DMD: variants seen among roughly 807,000 people sequenced by gnomAD.
The protein encoded by DMD is dystrophin.
Under a neutral mutation model 330.1 loss-of-function variants are expected in DMD, and 63 were observed. The ratio of observed to expected loss-of-function variants is 0.19; its 90% CI spans 0.16 to 0.24. The LOEUF (loss-of-function observed/expected upper bound fraction) is 0.24. Among genes scored for constraint, DMD ranks in the 10% least tolerant of loss-of-function variants. The probability of loss-of-function intolerance (pLI) is 1.00; values close to 1 mark genes in which losing one functional copy is unlikely to be tolerated. For missense variants in DMD, 3,344 were observed against 2,684.1 expected (o/e 1.25, Z -5.43); for synonymous variants, 1,223 against 959.8 (o/e 1.27, Z -5.07).
intron 1 of DMD, among the ~76,000 whole-genome samples, chrX:33,273,479 G>C (rs2148915481): frequency 8.9e-6 from 1 of 111,956 alleles, no homozygotes; most frequent in East Asian, 2.8e-4. Flanking sequence ...TTATGTAAAG[G>C]TCATACAGAC....
chrX:32,335,823 T>A (rs902532254), intron 41 of DMD, among the ~76,000 whole-genome samples: 1 of 105,557 alleles, frequency 9.5e-6, no homozygotes, highest in Non-Finnish European at 1.9e-5. Context: ...ATGTATAACA[T>A]GTTATATATA....
chrX:32,944,294 A>T (rs945275670), intron 2 of DMD, among the ~76,000 whole-genome samples: 16 of 112,129 alleles, frequency 1.4e-4, no homozygotes, highest in African/African-American at 5.2e-4. Flanking sequence ...TTTCCATTTT[A>T]AATTTTGGGT....
At chrX:31,654,101 T>C (rs1044983253) in intron 54 of DMD, among the ~76,000 whole-genome samples, 2 of 112,361 alleles carry the variant, frequency 1.8e-5, no homozygotes, top group East Asian at 5.6e-4. Context: ...ATATAAACAT[T>C]AGTTTACTTT....
chrX:32,653,596 C>A lies in DMD; in HGVS notation c.961-8444G>T, dbSNP rs145033964. ...TAGTTTAAAATCAGGTAGTGTGATA[C>A]CTCCAGCTTTGTTCTTTTGGCTTAG... is the stretch of plus-strand genomic sequence containing the variant. On this transcript the variant is annotated intron_variant, in intron 9 of 78. Transcript: ENST00000357033. 6.8e-3 allele frequency among the ~76,000 whole-genome samples: 757 copies of A among 111,867 alleles called. 6 individuals are homozygous for A. Among genetic ancestry groups the A allele is most frequent in the African/African-American group, 0.024 (727 of 30,755 alleles).
rs746676110 is a variant in DMD, at chrX:32,876,175, AC to A, written c.94-26356del. ...TCTATTTCTAACCATATCCAATGAT[AC>A]CACCATCCTCTCAATTTTTCAGCCC... On this transcript the variant is annotated intron_variant, in intron 2 of 78. Transcript: ENST00000357033. Among the ~76,000 whole-genome samples the A allele has an allele frequency of 8.0e-5, 9 of 111,834 alleles. No individual in the cohort carries two copies. The East Asian group carries it at 1.1e-3, about 14-fold the overall frequency.
chrX:31,849,222 T>A (rs779225165), intron 48 of DMD, among the ~76,000 whole-genome samples: 2 of 110,214 alleles, frequency 1.8e-5, no homozygotes, highest in Admixed American at 9.8e-5. Context: ...AAACATTTAT[T>A]TATTTATTTA....
chrX:31,144,867 C>T (rs1225541296), intron 76 of DMD, among the ~76,000 whole-genome samples: 1 of 111,523 alleles, frequency 9.0e-6, no homozygotes, highest in East Asian at 2.8e-4. Context: ...CCAGACACAG[C>T]AGGAAAAACC....
chrX:31,237,882 G>C (rs949476963), intron 63 of DMD, among the ~76,000 whole-genome samples: 1 of 110,467 alleles, frequency 9.1e-6, no homozygotes, highest in Non-Finnish European at 1.9e-5. Flanking sequence ...ACCACGCCCA[G>C]CTAATTTTCA....
intron 41 of DMD, among the ~76,000 whole-genome samples, chrX:32,323,246 T>C (rs1457673984): frequency 8.9e-6 from 1 of 111,869 alleles, no homozygotes; most frequent in African/African-American, 3.2e-5. Context: ...GCAAACACTA[T>C]GCCATTTTAT....
intron 37 of DMD, among the ~76,000 whole-genome samples, chrX:32,350,479 C>T (rs1178861689): frequency 9.0e-6 from 1 of 111,189 alleles, no homozygotes; most frequent in Non-Finnish European, 1.9e-5. Flanking sequence ...AAACGTAAGT[C>T]ATGCTATTTT....
At chrX:32,835,637 G>A (rs2079548723) in intron 4 of DMD, among the ~76,000 whole-genome samples, 1 of 111,818 alleles carries the variant, frequency 8.9e-6, no homozygotes, top group African/African-American at 3.3e-5. Flanking sequence ...GATATAAGCT[G>A]AGTGGCATTC....
chrX:31,650,395 T>C (rs2080384512), intron 54 of DMD, among the ~76,000 whole-genome samples: 1 of 111,654 alleles, frequency 9.0e-6, no homozygotes, highest in Non-Finnish European at 1.9e-5. Flanking sequence ...CAAATCTTTA[T>C]CCTTTAAATT....
intron 55 of DMD, among the ~76,000 whole-genome samples, chrX:31,540,073 T>C (rs963051139): frequency 2.6e-4 from 29 of 112,418 alleles, no homozygotes; most frequent in African/African-American, 8.7e-4. Context: ...CCAGGCTGGA[T>C]ATCCAAAACA....
chrX:32,068,260 C>T (rs781761427), intron 44 of DMD, among the ~76,000 whole-genome samples: 1 of 110,888 alleles, frequency 9.0e-6, no homozygotes, highest in Non-Finnish European at 1.9e-5. Context: ...ATTACACCAC[C>T]GTCAGATGCA....
At chrX:32,100,366 T>C (rs1272766099) in intron 44 of DMD, among the ~76,000 whole-genome samples, 4 of 100,342 alleles carry the variant, frequency 4.0e-5, no homozygotes, top group South Asian at 4.3e-4. Context: ...CTGTGTATTA[T>C]TTTCCCAGAT....
intron 1 of DMD, among the ~76,000 whole-genome samples, chrX:33,169,531 T>C (rs762901862): frequency 5.6e-4 from 62 of 111,703 alleles, no homozygotes; most frequent in African/African-American, 2.0e-3. Flanking sequence ...GGTTGGGCAA[T>C]CTGGCTTGAA....
At chrX:32,556,730 T>G (rs2149036796) in intron 16 of DMD, among the ~76,000 whole-genome samples, 1 of 112,047 alleles carries the variant, frequency 8.9e-6, no homozygotes, top group East Asian at 2.8e-4. Context: ...CTTTTATTTT[T>G]GACTGATATT....
intron 47 of DMD, among the ~76,000 whole-genome samples, chrX:31,885,406 C>T (rs1052284271): frequency 9.1e-6 from 1 of 109,730 alleles, no homozygotes; most frequent in African/African-American, 3.3e-5. Context: ...GTCAGGAGAT[C>T]GAGACCATCC....
intron 43 of DMD, among the ~76,000 whole-genome samples, chrX:32,271,228 A>T (rs1300742456): frequency 8.9e-6 from 1 of 112,296 alleles, no homozygotes; most frequent in Non-Finnish European, 1.9e-5. Flanking sequence ...ACAAACAGAC[A>T]AAATTTGCCT....
Sources: allele counts gnomAD v4.1 joint callset (sites outside exome capture counted in the v4.1 genomes callset), GRCh38; gene constraint gnomAD v4.1.1; transcripts MANE v1.5; gene names NCBI Gene and HGNC (gene_info 2026-07-23, HGNC 2026-07-21).